Variants in ERC2 observed in about 807,000 individuals in gnomAD.
The protein encoded by ERC2 is ELKS/RAB6-interacting/CAST family member 2.
ERC2 carries 42 observed loss-of-function variants against 114.8 expected under a neutral mutation model. That is an observed-to-expected ratio of 0.37 (90% confidence interval 0.29 to 0.47). The LOEUF (loss-of-function observed/expected upper bound fraction) is 0.47. Ranked by LOEUF, ERC2 falls within the 20% of genes least tolerant of loss-of-function variation. ERC2 has a pLI of 0.99. For missense variants in ERC2, 939 were observed against 1,150.7 expected (o/e 0.82, Z 2.66); for synonymous variants, 454 against 425.5 (o/e 1.07, Z -0.82).
chr3:55,556,764 T>C (rs1183716942), intron 17 of ERC2, among the ~76,000 whole-genome samples: 1 of 152,224 alleles, frequency 6.6e-6, no homozygotes, highest in African/African-American at 2.4e-5. Flanking sequence ...CCACCATGCA[T>C]GAAGGCGGGT....
chr3:55,961,781 G>A (rs552048766), intron 12 of ERC2, among the ~76,000 whole-genome samples: 82 of 148,866 alleles, frequency 5.5e-4, no homozygotes, highest in Non-Finnish European at 1.0e-3. Context: ...TTTCAGAAAG[G>A]CACTTTCTAT....
chr3:55,708,953 A>AAAC (rs59904034), intron 15 of ERC2, among the ~76,000 whole-genome samples: 20 of 151,836 alleles, frequency 1.3e-4, no homozygotes, highest in African/African-American at 4.8e-4. Context: ...GAGGAAAGAC[A>AAAC]GTGTTTGCAG....
intron 2 of ERC2, among the ~76,000 whole-genome samples, chr3:56,363,060 A>G (rs887855740): frequency 6.6e-6 from 1 of 152,330 alleles, no homozygotes; most frequent in South Asian, 2.1e-4. Flanking sequence ...AATGAGCATC[A>G]TTTCCTCATG....
intron 3 of ERC2, 194 bp from the exon 4 acceptor site, chr3:56,173,714 G>A (rs1422036996): frequency 1.5e-5 from 8 of 547,126 alleles, no homozygotes; most frequent in Non-Finnish European, 2.6e-5. Context: ...AAAGCTCCTG[G>A]CACATGCGCT....
Position 56,310,975 on chromosome 3 carries a change from G to T in ERC2, c.658-14540C>A, listed in dbSNP as rs574369616. Among the ~76,000 whole-genome samples, 5 of 152,010 alleles carry T rather than the reference G, an allele frequency of 3.3e-5. No homozygotes were observed. In the South Asian group the frequency reaches 1.0e-3, roughly 32 times the overall value. On this transcript the variant is annotated intron_variant, in intron 2 of 17. Coordinates refer to ENST00000288221, the MANE Select transcript of ERC2 (RefSeq NM_015576.3). Reference sequence around the variant, plus strand: ...AAGCACTCTGAACACAATGCTGTAGGATAGTCCTGAGAAACAGACTGAAAA... The same window carrying T: ...AAGCACTCTGAACACAATGCTGTAGTATAGTCCTGAGAAACAGACTGAAAA...
intron 3 of ERC2, among the ~76,000 whole-genome samples, chr3:56,249,910 T>A (rs2052021416): frequency 7.5e-6 from 1 of 133,278 alleles, no homozygotes; most frequent in Non-Finnish European, 1.5e-5. Flanking sequence ...CAGGCTGGAG[T>A]GCAGTGGCAC....
chr3:55,709,159 C>T (rs1018511157), intron 15 of ERC2, among the ~76,000 whole-genome samples: 5 of 151,968 alleles, frequency 3.3e-5, no homozygotes, highest in African/African-American at 4.8e-5. Flanking sequence ...GAAACTGGAG[C>T]GTGAACATTC....
rs550617816 is a variant in ERC2, at chr3:55,696,097, T to C, written c.2847+3281A>G. 4.6e-5 allele frequency among the ~76,000 whole-genome samples: 7 copies of C among 152,270 alleles called. No homozygotes were observed. The South Asian group carries it at 1.5e-3, about 32-fold the overall frequency. On this transcript the variant is annotated intron_variant, in intron 16 of 17. Coordinates refer to ENST00000288221, the MANE Select transcript of ERC2 (RefSeq NM_015576.3). ...ACTTATAATACTTGGATTCAGTTTC[T>C]CTTAAGGAGCAAGAAAAATCATAGT...
intron 1 of ERC2, among the ~76,000 whole-genome samples, chr3:56,436,440 G>A (rs974315259): frequency 1.3e-5 from 2 of 152,120 alleles, no homozygotes; most frequent in South Asian, 4.1e-4. Flanking sequence ...CAGTATACAT[G>A]GGTATCTTTT....
Position 56,154,123 on chromosome 3 carries a change from T to C in ERC2, c.1150-4991A>G, listed in dbSNP as rs116101453. Among the ~76,000 whole-genome samples, 996 of 152,270 alleles carry C rather than the reference T, an allele frequency of 6.5e-3. 11 individuals are homozygous for C. Among genetic ancestry groups the C allele is most frequent in the African/African-American group, 0.023 (945 of 41,544 alleles). On this transcript the variant is annotated intron_variant, in intron 4 of 17. Transcript: ENST00000288221. ...AAACACAACTGAGCAGCCCTGGATCTTAGGCTACCTGAGTAAGGCCCTGCC... is the reference window on the plus strand; with the variant it reads ...AAACACAACTGAGCAGCCCTGGATCCTAGGCTACCTGAGTAAGGCCCTGCC...
intron 3 of ERC2, among the ~76,000 whole-genome samples, chr3:56,204,884 C>G (rs2048621710): frequency 1.5e-5 from 2 of 130,874 alleles, no homozygotes; most frequent in African/African-American, 5.4e-5. Context: ...GCCACTTACA[C>G]TCAGAAAAAA....
At chr3:55,978,655 A>G (rs2069796519) in intron 12 of ERC2, among the ~76,000 whole-genome samples, 3 of 152,228 alleles carry the variant, frequency 2.0e-5, no homozygotes, top group Admixed American at 2.0e-4. Flanking sequence ...AACCACATGC[A>G]CATGAGAGGT....
intron 14 of ERC2, among the ~76,000 whole-genome samples, chr3:55,824,764 A>C (rs1559716012): frequency 6.6e-6 from 1 of 152,142 alleles, no homozygotes; most frequent in African/African-American, 2.4e-5. Context: ...CCTATATGTC[A>C]CTCAGATGCA....
rs1337350188 is a variant in ERC2 at position 55,583,427 on chromosome 3, CTT to C, written c.*40-72153_*40-72152del. 1.2e-3 allele frequency among the ~76,000 whole-genome samples: 156 copies of C among 128,466 alleles called. 1 individual carries two copies. Among genetic ancestry groups the C allele is most frequent in the African/African-American group, 4.4e-3 (141 of 32,298 alleles). 84.3% of individuals were successfully genotyped at this position (128,466 alleles called of 152,430 possible). A position where few individuals can be genotyped will look rare whatever the true frequency, so the allele number is the denominator to read the frequency against. ...CCTTCCTTCCTTCCTTCCTTCCTTC[CTT>C]CCTTCCTTCCTTCCTCCCTCCCTCC... On this transcript the variant is annotated intron_variant, in intron 17 of 17. Transcript: ENST00000288221.
In ERC2 at chr3:55,887,100, C is replaced by T. The variant is rs561352673; in HGVS notation, c.2564+1289G>A. Among the ~76,000 whole-genome samples the T allele has an allele frequency of 5.0e-4, 76 of 152,314 alleles. 1 individual carries two copies. The highest frequency in any genetic ancestry group is 2.7e-3 in the South Asian group (13 of 4,828). The stretch of plus-strand genomic sequence containing the variant: ...CCTGGAGAAAATTAGATAGCAGAAA[C>T]GGAGGTTGAGGTAGAAAACTGGTTT... On this transcript the variant is annotated intron_variant, in intron 14 of 17. Coordinates refer to ENST00000288221, the MANE Select transcript of ERC2 (RefSeq NM_015576.3).
At chr3:56,267,639 T>C (rs963016206) in intron 3 of ERC2, among the ~76,000 whole-genome samples, 19 of 147,860 alleles carry the variant, frequency 1.3e-4, no homozygotes, top group African/African-American at 4.4e-4. Flanking sequence ...ATTAACTGGG[T>C]GTGGTGGCAG....
At chr3:56,168,160 A>T (rs1443144003) in intron 4 of ERC2, among the ~76,000 whole-genome samples, 2 of 152,322 alleles carry the variant, frequency 1.3e-5, no homozygotes, top group East Asian at 3.9e-4. Flanking sequence ...GACCATGGGC[A>T]GGTTGCTTAT....
At chr3:55,553,184 G>A (rs2055347866) in intron 17 of ERC2, among the ~76,000 whole-genome samples, 3 of 151,330 alleles carry the variant, frequency 2.0e-5, no homozygotes, top group Non-Finnish European at 2.9e-5. Context: ...ACCATGCCCA[G>A]CTAATTTTTG....
chr3:56,039,582 T>A (rs1287462220), intron 7 of ERC2, among the ~76,000 whole-genome samples: 1 of 152,200 alleles, frequency 6.6e-6, no homozygotes, highest in Non-Finnish European at 1.5e-5. Context: ...CAAAGCATTC[T>A]ACAGATGCAA....
Sources: allele counts gnomAD v4.1 joint callset (sites outside exome capture counted in the v4.1 genomes callset), GRCh38; gene constraint gnomAD v4.1.1; transcripts MANE v1.5; gene names NCBI Gene and HGNC (gene_info 2026-07-23, HGNC 2026-07-21).